Variants in ANXA3 observed in about 807,000 individuals in gnomAD.
The protein encoded by ANXA3 is 35-alpha calcimedin.
Under a neutral mutation model 48.8 loss-of-function variants are expected in ANXA3, and 46 were observed. That is an observed-to-expected ratio of 0.94 (90% CI 0.74 to 1.21). ANXA3 has a LOEUF of 1.21. ANXA3 is among the 50% of genes most tolerant of loss of function. The probability of loss-of-function intolerance (pLI) is 0.00; values close to 1 mark genes in which losing one functional copy is unlikely to be tolerated. For missense variants in ANXA3, 383 were observed against 378.6 expected, an observed-to-expected ratio of 1.01 and a Z score of -0.10; for synonymous variants, 128 against 134.7, an observed-to-expected ratio of 0.95 and a Z score of 0.35.
intron 4 of ANXA3, among the ~76,000 whole-genome samples, chr4:78,580,981 G>A (rs1723059707): frequency 6.6e-6 from 1 of 152,166 alleles, no homozygotes; most frequent in Admixed American, 6.5e-5. Context: ...AGGTGGAGGG[G>A]AACAACCATT....
At position 78,586,274 on chromosome 4, in the gene ANXA3, C is replaced by G; in HGVS notation, c.327C>G (p.Asn109Lys). The G allele has an allele frequency of 6.2e-7, 1 of 1,613,364 alleles. No individual in the cohort carries two copies. Among genetic ancestry groups the G allele is most frequent in the Non-Finnish European group, 8.5e-7 (1 of 1,179,590 alleles). Residue 109 changes from asparagine to lysine, a missense_variant, in exon 6 of 13, where the codon AAC becomes AAG. By Grantham distance (94) the Asn-to-Lys change is moderately conservative. Transcript: ENST00000264908. Reference protein sequence around the residue: ...LKKSMKGAGTNEDALIEILTT... With the variant: ...LKKSMKGAGTKEDALIEILTT... ...TTCCTTTTTAGGGCGCGGGAACAAA[C>G]GAAGATGCCTTGATTGAAATCTTAA...
chr4:78,591,895 A>G (rs1402917736), intron 7 of ANXA3, among the ~76,000 whole-genome samples: 1 of 152,232 alleles, frequency 6.6e-6, no homozygotes, highest in African/African-American at 2.4e-5. Context: ...ACATTAGAAG[A>G]CATTCTGATA....
chr4:78,606,675 T>TTGAA (rs10640523), intron 12 of ANXA3, among the ~76,000 whole-genome samples: 18,726 of 152,048 alleles, frequency 0.12, 1,532 homozygotes, highest in Non-Finnish European at 0.18. Flanking sequence ...CAAATGGCCT[T>TTGAA]TGAATGAATG....
chr4:78,582,470 C>A (rs1373470203), intron 5 of ANXA3, 180 bp downstream of exon 5: 1 of 488,618 alleles, frequency 2.0e-6, no homozygotes, highest in African/African-American at 1.9e-5. Context: ...CCAAATGTTC[C>A]TGGGCTGGAA....
chr4:78,560,505 G>T (rs774076271), intron 2 of ANXA3, among the ~76,000 whole-genome samples: 6 of 152,300 alleles, frequency 3.9e-5, no homozygotes, highest in Admixed American at 2.6e-4. Flanking sequence ...TGGCATCAGG[G>T]CACCTCACCC....
chr4:78,555,442 C>A (rs552652684), intron 2 of ANXA3, among the ~76,000 whole-genome samples: 1 of 152,036 alleles, frequency 6.6e-6, no homozygotes, highest in East Asian at 1.9e-4. Flanking sequence ...CCTTAACATA[C>A]AAATAACTTG....
At chr4:78,572,228 T>C (rs1722853204) in intron 2 of ANXA3, among the ~76,000 whole-genome samples, 1 of 152,250 alleles carries the variant, frequency 6.6e-6, no homozygotes, top group South Asian at 2.1e-4. Flanking sequence ...ACCAATGTTT[T>C]ATATTTGTAA....
chr4:78,567,655 G>A (rs892400828), intron 2 of ANXA3, among the ~76,000 whole-genome samples: 14 of 152,214 alleles, frequency 9.2e-5, no homozygotes, highest in African/African-American at 2.4e-4. Flanking sequence ...TGCAGGTGGG[G>A]CAGTGAAGAA....
chr4:78,599,943 T>C (rs113395976), intron 10 of ANXA3, among the ~76,000 whole-genome samples: 2,325 of 151,590 alleles, frequency 0.015, 63 homozygotes, highest in African/African-American at 0.052. Context: ...TGGGGAAAAA[T>C]GTGCAAAAGT....
intron 7 of ANXA3, among the ~76,000 whole-genome samples, chr4:78,592,959 A>G (rs1247098376): frequency 1.3e-5 from 2 of 152,214 alleles, no homozygotes; most frequent in African/African-American, 4.8e-5. Flanking sequence ...ACAAGGACCT[A>G]ATGTTTAAAA....
chr4:78,582,413 A>G, intron 5 of ANXA3, 123 bp downstream of exon 5: 1 of 613,580 alleles, frequency 1.6e-6, no homozygotes, highest in South Asian at 2.2e-5. Flanking sequence ...GGACTCTCCC[A>G]GTGGTAGAAT....
intron 2 of ANXA3, among the ~76,000 whole-genome samples, chr4:78,562,714 A>C (rs558203682): frequency 3.3e-5 from 5 of 152,352 alleles, no homozygotes; most frequent in Admixed American, 6.5e-5. Context: ...TGAAGAAATA[A>C]ATGTACAGTA....
At chr4:78,608,260 G>A (rs115546010) in intron 12 of ANXA3, among the ~76,000 whole-genome samples, 3,243 of 152,188 alleles carry the variant, frequency 0.021, 103 homozygotes, top group African/African-American at 0.074. Context: ...CTATGAGAAA[G>A]TCATGATTCA....
At chr4:78,586,181 A>C in intron 5 of ANXA3, 79 bp from the exon 6 acceptor site, 1 of 1,080,480 alleles carries the variant, frequency 9.3e-7, no homozygotes, top group Non-Finnish European at 1.4e-6. Context: ...TCATCTATAT[A>C]AACAAGATAA....
intron 12 of ANXA3, among the ~76,000 whole-genome samples, chr4:78,605,582 G>T (rs888979607): frequency 7.2e-5 from 11 of 151,882 alleles, no homozygotes; most frequent in African/African-American, 2.7e-4. Flanking sequence ...TCCAAGCAGA[G>T]GTTGCACATC....
chr4:78,555,712 G>A (rs1227838040), intron 2 of ANXA3, among the ~76,000 whole-genome samples: 5 of 151,464 alleles, frequency 3.3e-5, no homozygotes, highest in African/African-American at 4.9e-5. Flanking sequence ...TTAGCTGAAC[G>A]TTGTGGGGTG....
At chr4:78,583,249 GGAGGATCACCT>G (rs1723109477) in intron 5 of ANXA3, among the ~76,000 whole-genome samples, 1 of 152,138 alleles carries the variant, frequency 6.6e-6, no homozygotes, top group South Asian at 2.1e-4. Flanking sequence ...GGCTGTGGTG[GGAGGATCACCT>G]GAGCCCAGAA....
intron 9 of ANXA3, 147 bp from the exon 10 acceptor site, chr4:78,597,170 CAA>C: frequency 1.7e-6 from 1 of 583,482 alleles, no homozygotes; most frequent in South Asian, 2.0e-5. Flanking sequence ...AAAAGAAAAA[CAA>C]AAACTTCTGT....
At chr4:78,605,669 T>C (rs1723631719) in intron 12 of ANXA3, among the ~76,000 whole-genome samples, 1 of 152,252 alleles carries the variant, frequency 6.6e-6, no homozygotes. Flanking sequence ...TCTTTCATTC[T>C]GGATGAGAAT....
Sources: allele counts gnomAD v4.1 joint callset (sites outside exome capture counted in the v4.1 genomes callset), GRCh38; gene constraint gnomAD v4.1.1; transcripts MANE v1.5; gene names NCBI Gene and HGNC (gene_info 2026-07-23, HGNC 2026-07-21).